TMEM266: variants seen among roughly 807,000 people sequenced by gnomAD.
The protein encoded by TMEM266 is transmembrane protein 266.
Under a neutral mutation model 50.5 loss-of-function variants are expected in TMEM266, and 33 were observed. The observed-to-expected ratio is 0.65, with a 90% confidence interval of 0.50 to 0.87. The LOEUF is 0.87. Among genes scored for constraint, TMEM266 ranks in the 40% least tolerant of loss-of-function variants. The pLI is 0.00. For synonymous variants in TMEM266, 310 were observed against 292.3 expected (o/e 1.06, Z -0.62); for missense variants, 655 against 695.1 (o/e 0.94, Z 0.65).
At chr15:76,069,750 G>A (rs1383141189) in intron 1 of TMEM266, among the ~76,000 whole-genome samples, 1 of 151,962 alleles carries the variant, frequency 6.6e-6, no homozygotes, top group South Asian at 2.1e-4. Context: ...CCCGAGAGGT[G>A]GACTTTGCAG....
At chr15:76,193,672 A>AT (rs2038615087) in intron 9 of TMEM266, among the ~76,000 whole-genome samples, 1 of 152,106 alleles carries the variant, frequency 6.6e-6, no homozygotes, top group Non-Finnish European at 1.5e-5. Context: ...TAAGTGCTTC[A>AT]TACCTCCCTG....
chr15:76,060,664 T>C (rs1004184960), intron 1 of TMEM266, among the ~76,000 whole-genome samples: 1 of 152,180 alleles, frequency 6.6e-6, no homozygotes, highest in African/African-American at 2.4e-5. Flanking sequence ...ACCTAGAAAA[T>C]TGTCTCCCTT....
At chr15:76,106,064 C>T (rs888226706) in intron 1 of TMEM266, among the ~76,000 whole-genome samples, 1 of 152,186 alleles carries the variant, frequency 6.6e-6, no homozygotes. Context: ...CACAGGCCCC[C>T]AGTTTAGCGG....
intron 10 of TMEM266, 139 bp from the exon 11 acceptor site, chr15:76,203,602 A>C: frequency 2.7e-6 from 2 of 747,266 alleles, no homozygotes; most frequent in South Asian, 3.5e-5. Flanking sequence ...AGTTCTACCA[A>C]GGCCTCCTTC....
At chr15:76,150,429 C>T (rs2037821242) in intron 3 of TMEM266, among the ~76,000 whole-genome samples, 2 of 152,188 alleles carry the variant, frequency 1.3e-5, no homozygotes, top group Admixed American at 6.5e-5. Flanking sequence ...ACAGGGTTAG[C>T]TAGTTTGGCT....
intron 8 of TMEM266, among the ~76,000 whole-genome samples, chr15:76,188,563 A>G (rs114456870): frequency 0.011 from 1,644 of 152,302 alleles, 35 homozygotes; most frequent in African/African-American, 0.037. Context: ...AGATGATGCC[A>G]TTTACTCCAG....
intron 3 of TMEM266, among the ~76,000 whole-genome samples, chr15:76,140,304 A>G (rs1012378677): frequency 3.9e-5 from 6 of 152,226 alleles, no homozygotes; most frequent in African/African-American, 1.4e-4. Flanking sequence ...AAGCAAAGCA[A>G]AAACACACTG....
intron 1 of TMEM266, among the ~76,000 whole-genome samples, chr15:76,083,337 G>GT (rs2036724467): frequency 6.6e-6 from 1 of 150,970 alleles, no homozygotes; most frequent in Non-Finnish European, 1.5e-5. Flanking sequence ...ATTAATACCA[G>GT]TTTTCCTGCT....
intron 1 of TMEM266, among the ~76,000 whole-genome samples, chr15:76,075,295 C>T (rs1338314178): frequency 6.6e-6 from 1 of 151,958 alleles, no homozygotes; most frequent in South Asian, 2.1e-4. Flanking sequence ...GGCATAGCAA[C>T]AGTTAGAGGT....
chr15:76,136,277 T>G (rs1323779808), intron 2 of TMEM266, among the ~76,000 whole-genome samples: 2 of 152,176 alleles, frequency 1.3e-5, no homozygotes, highest in Non-Finnish European at 2.9e-5. Flanking sequence ...TTTCAATGGT[T>G]GTTGGAAAAG....
At chr15:76,125,635 G>C (rs1370902429) in intron 1 of TMEM266, among the ~76,000 whole-genome samples, 1 of 152,016 alleles carries the variant, frequency 6.6e-6, no homozygotes, top group Admixed American at 6.5e-5. Context: ...ATCACCTGAG[G>C]TCAGGAGTTC....
intron 1 of TMEM266, among the ~76,000 whole-genome samples, chr15:76,103,996 AG>A (rs35490902): frequency 0.23 from 34,487 of 151,276 alleles, 4,296 homozygotes; most frequent in Non-Finnish European, 0.27. Flanking sequence ...TCACGAGGTC[AG>A]GAGATCGAGA....
intron 1 of TMEM266, among the ~76,000 whole-genome samples, chr15:76,104,457 TG>T (rs1596106700): frequency 1.3e-5 from 2 of 152,294 alleles, no homozygotes; most frequent in East Asian, 3.9e-4. Flanking sequence ...GAAACTCTAC[TG>T]GACAGCGCTG....
intron 1 of TMEM266, among the ~76,000 whole-genome samples, chr15:76,129,252 T>G (rs1397789447): frequency 6.6e-6 from 1 of 152,158 alleles, no homozygotes; most frequent in Admixed American, 6.6e-5. Context: ...GCACCACCTA[T>G]GAAATCTTGC....
chr15:76,084,973 T>A (rs74480564), intron 1 of TMEM266, among the ~76,000 whole-genome samples: 25 of 150,556 alleles, frequency 1.7e-4, no homozygotes, highest in Non-Finnish European at 3.0e-4. Context: ...TTTTTTTTTT[T>A]ATTGAGACAA....
chr15:76,110,518 T>C (rs2142010994), intron 1 of TMEM266, among the ~76,000 whole-genome samples: 1 of 152,324 alleles, frequency 6.6e-6, no homozygotes, highest in South Asian at 2.1e-4. Context: ...TGGACACCCC[T>C]GCTTTAGATG....
At chr15:76,133,444 T>C (rs1042439313) in intron 1 of TMEM266, among the ~76,000 whole-genome samples, 1 of 149,610 alleles carries the variant, frequency 6.7e-6, no homozygotes, top group African/African-American at 2.5e-5. Flanking sequence ...CTAAAAAAAA[T>C]AAATAAATAA....
chr15:76,156,527 G>A (rs1017871048), intron 3 of TMEM266, 77 bp from the exon 4 acceptor site: 8 of 1,504,516 alleles, frequency 5.3e-6, no homozygotes, highest in Middle Eastern at 2.4e-4. Context: ...GGGTTTGAGA[G>A]CAGGGCTTTG....
At chr15:76,070,726 C>T (rs1360854156) in intron 1 of TMEM266, among the ~76,000 whole-genome samples, 3 of 152,154 alleles carry the variant, frequency 2.0e-5, no homozygotes, top group Admixed American at 6.5e-5. Flanking sequence ...GTCACATTTC[C>T]ATGCTATAAC....
Sources: gnomAD v4.1 joint callset for allele counts (sites outside exome capture counted in the v4.1 genomes callset) on GRCh38, gnomAD v4.1.1 for gene constraint, MANE v1.5 for transcripts, NCBI Gene and HGNC (gene_info 2026-07-23, HGNC 2026-07-21) for gene names.